Variants in CPS1 observed in about 807,000 individuals in gnomAD.
CPS1 encodes carbamoyl-phosphate synthase [ammonia], mitochondrial.
Under a neutral mutation model 174.6 loss-of-function variants are expected in CPS1, and 109 were observed. That is an observed-to-expected ratio of 0.62 (90% confidence interval 0.53 to 0.73). The LOEUF is 0.73. Among genes scored for constraint, CPS1 ranks in the 30% least tolerant of loss-of-function variants. The pLI is 0.00. For missense variants in CPS1, 1,689 were observed against 1,821.9 expected (o/e 0.93, Z 1.33); for synonymous variants, 637 against 632.0 (o/e 1.01, Z -0.12).
intron 25 of CPS1, among the ~76,000 whole-genome samples, chr2:210,646,006 A>T (rs567368429): frequency 6.6e-6 from 1 of 152,164 alleles, no homozygotes; most frequent in South Asian, 2.1e-4. Flanking sequence ...AAAAAGCAGA[A>T]ATTTCTTTAA....
intron 1 of CPS1, among the ~76,000 whole-genome samples, chr2:210,485,301 T>C (rs1694686427): frequency 6.6e-6 from 1 of 151,720 alleles, no homozygotes; most frequent in Non-Finnish European, 1.5e-5. Context: ...GTAAACGGTA[T>C]CTAAAGTATA....
intron 21 of CPS1, among the ~76,000 whole-genome samples, chr2:210,636,586 A>T (rs1194853643): frequency 6.6e-6 from 1 of 152,126 alleles, no homozygotes; most frequent in Non-Finnish European, 1.5e-5. Context: ...TCCAGCAGGA[A>T]AAAGCCTGAT....
intron 21 of CPS1, among the ~76,000 whole-genome samples, chr2:210,628,812 A>T (rs576241163): frequency 6.6e-6 from 1 of 152,118 alleles, no homozygotes; most frequent in East Asian, 1.9e-4. Context: ...AAAAAAAAAA[A>T]GTTATTTATT....
intron 33 of CPS1, among the ~76,000 whole-genome samples, chr2:210,666,523 C>T (rs537219037): frequency 2.0e-5 from 3 of 152,290 alleles, no homozygotes; most frequent in African/African-American, 7.2e-5. Flanking sequence ...AGGAAGGGAT[C>T]CAGTTGCAGC....
At chr2:210,500,104 A>T (rs1695101458) in intron 1 of CPS1, among the ~76,000 whole-genome samples, 2 of 152,116 alleles carry the variant, frequency 1.3e-5, no homozygotes, top group Admixed American at 1.3e-4. Flanking sequence ...AAACCATCAG[A>T]TCTCATGAGA....
chr2:210,575,878 G>A (rs1424211405), intron 2 of CPS1, among the ~76,000 whole-genome samples: 2 of 151,836 alleles, frequency 1.3e-5, no homozygotes, highest in African/African-American at 2.4e-5. Flanking sequence ...CTACTCTTCA[G>A]TATCCTAAAA....
At chr2:210,568,199 T>C (rs1158360945) in intron 1 of CPS1, among the ~76,000 whole-genome samples, 1 of 152,086 alleles carries the variant, frequency 6.6e-6, no homozygotes, top group Non-Finnish European at 1.5e-5. Flanking sequence ...AATTCTGATT[T>C]AGTACACACC....
intron 21 of CPS1, among the ~76,000 whole-genome samples, chr2:210,632,845 A>G (rs1166655102): frequency 6.6e-6 from 1 of 152,238 alleles, no homozygotes; most frequent in African/African-American, 2.4e-5. Context: ...TCTGTATTCA[A>G]GTTAAGGTAG....
chr2:210,672,476 A>G (rs1701342793), intron 34 of CPS1: 1 of 152,144 alleles, frequency 6.6e-6, no homozygotes, highest in African/African-American at 2.4e-5. Flanking sequence ...CATTTTGGAC[A>G]TTTCATATAT....
At chr2:210,658,899 A>G (rs1169987177) in intron 31 of CPS1, among the ~76,000 whole-genome samples, 1 of 152,194 alleles carries the variant, frequency 6.6e-6, no homozygotes, top group Non-Finnish European at 1.5e-5. Context: ...AGTCAGTTAC[A>G]GCTTTGTAAA....
At position 210,650,346 on chromosome 2, in the gene CPS1, T is replaced by TC. The variant is rs765449859; in HGVS notation, c.3405-13dup. The stretch of plus-strand genomic sequence containing the variant: ...TAGCATAAACCTGACCTGCTTTTTT[T>TC]CCCCTTCCTTTTCCAGTGGGTCTGC... On this transcript the variant is annotated splice_polypyrimidine_tract_variant and intron_variant, in intron 27 of 37. Transcript: ENST00000233072. The TC allele has an allele frequency of 1.9e-6, 3 of 1,609,950 alleles. No individual in the cohort carries two copies. Among genetic ancestry groups the TC allele is most frequent in the Non-Finnish European group, 2.5e-6 (3 of 1,176,500 alleles).
chr2:210,537,544 T>TA (rs1696289212), intron 1 of CPS1, among the ~76,000 whole-genome samples: 1 of 152,242 alleles, frequency 6.6e-6, no homozygotes, highest in East Asian at 1.9e-4. Context: ...TTCTAGGTGT[T>TA]ACAGGTGTAC....
chr2:210,677,567 A>G (rs1174139043), intron 37 of CPS1, among the ~76,000 whole-genome samples: 1 of 152,264 alleles, frequency 6.6e-6, no homozygotes, highest in East Asian at 1.9e-4. Flanking sequence ...GACATGACCC[A>G]TCGAATTTAT....
chr2:210,637,920 C>T, intron 22 of CPS1, 77 bp downstream of exon 22: 3 of 1,499,540 alleles, frequency 2.0e-6, no homozygotes, highest in East Asian at 4.5e-5. Context: ...ATTCAAAAGG[C>T]CATTGTTAAT....
intron 1 of CPS1, among the ~76,000 whole-genome samples, chr2:210,503,080 T>A (rs933233345): frequency 2.6e-5 from 4 of 152,192 alleles, no homozygotes; most frequent in African/African-American, 9.7e-5. Flanking sequence ...TCTCCAGCAC[T>A]GACATCCTGT....
At chr2:210,524,102 C>T (rs1459397200) in intron 1 of CPS1, among the ~76,000 whole-genome samples, 1 of 151,958 alleles carries the variant, frequency 6.6e-6, no homozygotes, top group African/African-American at 2.4e-5. Flanking sequence ...ACATAACTTC[C>T]CTTCTCCCAG....
intron 1 of CPS1, among the ~76,000 whole-genome samples, chr2:210,481,208 T>A (rs1694560565): frequency 6.6e-6 from 1 of 152,220 alleles, no homozygotes; most frequent in Non-Finnish European, 1.5e-5. Flanking sequence ...AGCTTTTTCC[T>A]TTCTCCACCT....
At chr2:210,600,820 C>A in intron 15 of CPS1, 108 bp downstream of exon 15, 1 of 1,226,230 alleles carries the variant, frequency 8.2e-7, no homozygotes, top group Non-Finnish European at 1.2e-6. Flanking sequence ...TACTTGCATG[C>A]ATTTTCTTCT....
chr2:210,607,026 C>T lies in CPS1; in HGVS notation c.2192+85C>T, dbSNP rs1698939324. 4.2e-6 allele frequency: 5 copies of T among 1,188,832 alleles called. No individual in the cohort carries two copies. In the African/African-American group the frequency reaches 4.6e-5, roughly 11 times the overall value. The allele number at this position is 1,188,832 out of a possible 1,614,324, so 73.6% of individuals were successfully genotyped here. A position where few individuals can be genotyped will look rare whatever the true frequency, so the allele number is the denominator to read the frequency against. ...TGACAGATAGTGGAAGACTGTACTG[C>T]ATTTACAAACTATGTTCCCTTTTTC... On this transcript the variant is annotated intron_variant, in intron 18 of 37. Transcript: ENST00000233072.
Sources: gnomAD v4.1 joint callset for allele counts (sites outside exome capture counted in the v4.1 genomes callset) on GRCh38, gnomAD v4.1.1 for gene constraint, MANE v1.5 for transcripts, NCBI Gene and HGNC (gene_info 2026-07-23, HGNC 2026-07-21) for gene names.